LYPD6: variants seen among roughly 807,000 people sequenced by gnomAD.
LYPD6 encodes the protein ly6/PLAUR domain-containing protein 6.
In LYPD6, 15 loss-of-function variants were observed where a neutral mutation model predicts 22.7. The ratio of observed to expected loss-of-function variants is 0.66; its 90% CI spans 0.44 to 1.02. LYPD6 has a LOEUF of 1.02. Among genes scored for constraint, LYPD6 ranks in the 50% least tolerant of loss-of-function variants. LYPD6 has a pLI of 0.00. For synonymous variants in LYPD6, 72 were observed against 77.5 expected, an observed-to-expected ratio of 0.93 and a Z score of 0.37; for missense variants, 189 against 208.4, an observed-to-expected ratio of 0.91 and a Z score of 0.57.
At position 149,466,591 on chromosome 2, in the gene LYPD6, T is replaced by C. The variant is rs1052483552; in HGVS notation, c.218-2054T>C. Among the ~76,000 whole-genome samples, 6 of 152,222 alleles carry C rather than the reference T, an allele frequency of 3.9e-5. No individual in the cohort carries two copies. In the East Asian group the frequency reaches 9.6e-4, roughly 24 times the overall value. On this transcript the variant is annotated intron_variant, in intron 3 of 4. Coordinates refer to ENST00000334166, the MANE Select transcript of LYPD6 (RefSeq NM_194317.5). ...AGTTGTTGCGTCTACTGTCATTCAA[T>C]GGAATACGCTCTCCATTATGTATAA...
intron 3 of LYPD6, among the ~76,000 whole-genome samples, chr2:149,455,927 A>C (rs1182851044): frequency 6.6e-6 from 1 of 152,224 alleles, no homozygotes; most frequent in African/African-American, 2.4e-5. Context: ...GGAAGTCTCC[A>C]TTTGGCAGCT....
At chr2:149,422,430 T>G (rs1683101304) in intron 1 of LYPD6, among the ~76,000 whole-genome samples, 2 of 151,994 alleles carry the variant, frequency 1.3e-5, no homozygotes, top group Non-Finnish European at 2.9e-5. Context: ...GGGCCTGGGG[T>G]CTCTCTGCTC....
chr2:149,396,201 C>T (rs1398022127), intron 1 of LYPD6, among the ~76,000 whole-genome samples: 1 of 151,968 alleles, frequency 6.6e-6, no homozygotes. Context: ...TTATATAGAA[C>T]TCTCTGTGAA....
intron 1 of LYPD6, among the ~76,000 whole-genome samples, chr2:149,348,971 G>A (rs971838460): frequency 1.3e-5 from 2 of 152,134 alleles, no homozygotes. Context: ...AAGTGAGAAA[G>A]CAGTGTCAAG....
intron 1 of LYPD6, among the ~76,000 whole-genome samples, chr2:149,389,220 T>C (rs964223514): frequency 6.6e-6 from 1 of 152,106 alleles, no homozygotes; most frequent in African/African-American, 2.4e-5. Flanking sequence ...AACGTTTTCC[T>C]AGGAAGCTCT....
intron 1 of LYPD6, among the ~76,000 whole-genome samples, chr2:149,396,458 T>G (rs1682431327): frequency 6.6e-6 from 1 of 152,166 alleles, no homozygotes; most frequent in African/African-American, 2.4e-5. Context: ...AGTTTGCCTC[T>G]TATTTCAGAA....
At chr2:149,476,765 A>G (rs7599153), downstream of LYPD6, among the ~76,000 whole-genome samples, 1,796 of 152,278 alleles carry the variant, frequency 0.012, 41 homozygotes, top group African/African-American at 0.041. Flanking sequence ...GTCCTATGGA[A>G]TTTGCACCCG....
chr2:149,409,059 T>G (rs1423103257), intron 1 of LYPD6, among the ~76,000 whole-genome samples: 3 of 152,342 alleles, frequency 2.0e-5, no homozygotes, highest in East Asian at 1.9e-4. Context: ...GATGTGTGAT[T>G]CAAGGGCTGC....
intron 1 of LYPD6, among the ~76,000 whole-genome samples, chr2:149,340,301 C>G (rs2377382): frequency 1.4e-4 from 22 of 151,924 alleles, no homozygotes; most frequent in African/African-American, 5.3e-4. Flanking sequence ...ATCAAGATAT[C>G]TAGAAATACT....
At chr2:149,404,903 A>G (rs1335145138) in intron 1 of LYPD6, among the ~76,000 whole-genome samples, 1 of 152,098 alleles carries the variant, frequency 6.6e-6, no homozygotes, top group Non-Finnish European at 1.5e-5. Context: ...TTTGAGATAC[A>G]TCCCATCAAT....
chr2:149,416,483 A>G (rs1348781550), intron 1 of LYPD6, among the ~76,000 whole-genome samples: 2 of 152,094 alleles, frequency 1.3e-5, no homozygotes, highest in African/African-American at 4.8e-5. Flanking sequence ...CTTCCTGCCA[A>G]TTAGGGTCAG....
chr2:149,469,415 C>T (rs189410303), intron 4 of LYPD6, among the ~76,000 whole-genome samples: 9 of 152,252 alleles, frequency 5.9e-5, no homozygotes, highest in Admixed American at 2.0e-4. Flanking sequence ...GCCCTCTATA[C>T]GTGTGTCTAT....
upstream of LYPD6, chr2:149,330,386 C>G (rs530101141): frequency 6.6e-6 from 1 of 151,286 alleles, no homozygotes; most frequent in South Asian, 2.1e-4. Context: ...GGCGCTCAGG[C>G]CGATTCTCCC....
chr2:149,433,135 T>A (rs1274320798), intron 1 of LYPD6, among the ~76,000 whole-genome samples: 1 of 152,200 alleles, frequency 6.6e-6, no homozygotes, highest in Non-Finnish European at 1.5e-5. Context: ...AAGTAAAATG[T>A]ATTGTGAGAA....
At chr2:149,456,202 A>G (rs777697030) in intron 3 of LYPD6, among the ~76,000 whole-genome samples, 33 of 152,198 alleles carry the variant, frequency 2.2e-4, no homozygotes, top group Non-Finnish European at 4.1e-4. Flanking sequence ...CTGCAACTCA[A>G]TTTGTAGTTC....
At chr2:149,436,821 G>A (rs915240925) in intron 1 of LYPD6, among the ~76,000 whole-genome samples, 12 of 152,178 alleles carry the variant, frequency 7.9e-5, no homozygotes, top group Admixed American at 1.3e-4. Context: ...AACCTCAGGC[G>A]ATCCAGGCCT....
Position 149,471,174 on chromosome 2 carries a change from T to G in LYPD6, c.*324T>G. The G allele has an allele frequency of 4.7e-6, 1 of 212,574 alleles. No homozygotes were observed. 13.2% of individuals were successfully genotyped at this position (212,574 alleles called of 1,614,324 possible). A position where few individuals can be genotyped will look rare whatever the true frequency, so the allele number is the denominator to read the frequency against. On this transcript the variant is annotated 3_prime_UTR_variant, in exon 5 of 5. Transcript: ENST00000334166. ...GGAAGAATACATGCATGAGATGCAG[T>G]AGGTCCTGAGACTGTAAGATATTAG...
At chr2:149,405,376 G>T (rs1167431093) in intron 1 of LYPD6, among the ~76,000 whole-genome samples, 1 of 152,068 alleles carries the variant, frequency 6.6e-6, no homozygotes, top group Admixed American at 6.5e-5. Flanking sequence ...GACCCTTTTT[G>T]GTTGGTAAGC....
intron 1 of LYPD6, among the ~76,000 whole-genome samples, chr2:149,339,011 G>T (rs1039996904): frequency 6.6e-6 from 1 of 152,170 alleles, no homozygotes; most frequent in Admixed American, 6.5e-5. Context: ...TCAAGCCAGT[G>T]CCCAGGACTT....
Sources: allele counts gnomAD v4.1 joint callset (sites outside exome capture counted in the v4.1 genomes callset), GRCh38; gene constraint gnomAD v4.1.1; transcripts MANE v1.5; gene names NCBI Gene and HGNC (gene_info 2026-07-23, HGNC 2026-07-21).